CFAP161: variants seen among roughly 807,000 people sequenced by gnomAD.
CFAP161 encodes cilia- and flagella-associated protein 161.
Under a neutral mutation model 29.0 loss-of-function variants are expected in CFAP161, and 25 were observed. That is an observed-to-expected ratio of 0.86 (90% confidence interval 0.63 to 1.20). The LOEUF is 1.20. Ranked by LOEUF, CFAP161 falls within the 50% of genes most tolerant of loss-of-function variation. The pLI, the probability that CFAP161 is intolerant of heterozygous loss-of-function variation, is 0.00. For missense variants in CFAP161, 367 were observed against 371.9 expected, an observed-to-expected ratio of 0.99 and a Z score of 0.11; for synonymous variants, 116 against 137.4, an observed-to-expected ratio of 0.84 and a Z score of 1.09.
At chr15:81,140,971 C>T (rs1024293762) in intron 4 of CFAP161, among the ~76,000 whole-genome samples, 2 of 152,160 alleles carry the variant, frequency 1.3e-5, no homozygotes, top group Non-Finnish European at 2.9e-5. Flanking sequence ...ACCTTGACAG[C>T]TCATAGGGCT....
chr15:81,143,255 G>T (rs1168648845), intron 4 of CFAP161, among the ~76,000 whole-genome samples: 1 of 152,206 alleles, frequency 6.6e-6, no homozygotes, highest in African/African-American at 2.4e-5. Context: ...GGAGGCTGCA[G>T]TGAACCATGA....
Position 81,148,190 on chromosome 15 carries a change from C to T in CFAP161, c.711-148C>T, listed in dbSNP as rs535028861. The T allele has an allele frequency of 7.6e-5, 65 of 850,118 alleles. No homozygotes were observed. In the African/African-American group the frequency reaches 9.2e-4, roughly 12 times the overall value. The allele number at this position is 850,118 out of a possible 1,614,324, so 52.7% of individuals were successfully genotyped here. A position where few individuals can be genotyped will look rare whatever the true frequency, so the allele number is the denominator to read the frequency against. On this transcript the variant is annotated intron_variant, in intron 6 of 6. Transcript: ENST00000286732. The stretch of plus-strand genomic sequence containing the variant: ...TCTTTGCCCAAATAAGGTGTAACCT[C>T]CCTGCAAACATGTCCCATTTTAGAG...
At chr15:81,111,640 A>G (rs1894441527) in intron 1 of CFAP161, among the ~76,000 whole-genome samples, 1 of 152,146 alleles carries the variant, frequency 6.6e-6, no homozygotes, top group African/African-American at 2.4e-5. Context: ...CTCGATGCTG[A>G]AGGTACTTTC....
chr15:81,144,038 C>G (rs552967020), intron 5 of CFAP161, among the ~76,000 whole-genome samples: 1 of 152,048 alleles, frequency 6.6e-6, no homozygotes, highest in Non-Finnish European at 1.5e-5. Flanking sequence ...AACACACAGA[C>G]TTATAGCTCA....
intron 1 of CFAP161, among the ~76,000 whole-genome samples, chr15:81,120,805 A>G (rs1894562533): frequency 6.6e-6 from 1 of 152,260 alleles, no homozygotes; most frequent in African/African-American, 2.4e-5. Flanking sequence ...TTTTACCTCA[A>G]AAAATGAAGT....
At chr15:81,108,070 C>T (rs1894395697) in intron 1 of CFAP161, among the ~76,000 whole-genome samples, 2 of 152,132 alleles carry the variant, frequency 1.3e-5, no homozygotes, top group Admixed American at 6.5e-5. Context: ...GAGAAGCTGA[C>T]GGTTTGGGGA....
chr15:81,148,607 G>T lies in CFAP161; in HGVS notation c.*74G>T. ...AGCTTTAAAAGAAATTAACAACCTT[G>T]GTCATGCCTCAAGCTATTTTTGAAT... On this transcript the variant is annotated 3_prime_UTR_variant, in exon 7 of 7. Transcript: ENST00000286732. 7.0e-7 allele frequency: 1 copy of T among 1,421,356 alleles called. No homozygotes were observed. The highest frequency in any genetic ancestry group is 1.4e-5 in the South Asian group (1 of 71,030). The allele number at this position is 1,421,356 out of a possible 1,614,324, so 88.0% of individuals were successfully genotyped here.
chr15:81,108,220 T>A (rs1043535343), intron 1 of CFAP161, among the ~76,000 whole-genome samples: 5 of 152,244 alleles, frequency 3.3e-5, no homozygotes, highest in Non-Finnish European at 7.3e-5. Flanking sequence ...AATTGCTGAC[T>A]TTTAAATTGC....
chr15:81,146,296 A>T (rs1895004723), intron 5 of CFAP161, among the ~76,000 whole-genome samples: 1 of 152,166 alleles, frequency 6.6e-6, no homozygotes, highest in South Asian at 2.1e-4. Context: ...TTTTGAAATA[A>T]TATATATTTT....
chr15:81,107,386 G>A (rs2663944), intron 1 of CFAP161, among the ~76,000 whole-genome samples: 93,985 of 152,112 alleles, frequency 0.62, 29,645 homozygotes, highest in Non-Finnish European at 0.67. Context: ...GTGAGTGCTT[G>A]GTTCTGCCAT....
chr15:81,115,849 AT>A (rs59925511), intron 1 of CFAP161, among the ~76,000 whole-genome samples: 3,398 of 138,548 alleles, frequency 0.025, 77 homozygotes, highest in African/African-American at 0.06. Flanking sequence ...TAGCTAATTA[AT>A]TTTTTTTTTT....
intron 1 of CFAP161, among the ~76,000 whole-genome samples, chr15:81,103,448 G>A (rs976033671): frequency 3.9e-5 from 6 of 152,042 alleles, no homozygotes; most frequent in Admixed American, 3.9e-4. Context: ...GAAAGGATTG[G>A]GGACCTTATG....
At chr15:81,108,002 T>C (rs1894394546) in intron 1 of CFAP161, among the ~76,000 whole-genome samples, 1 of 152,068 alleles carries the variant, frequency 6.6e-6, no homozygotes. Context: ...GCACTTCCGT[T>C]TCCTCGTCTG....
rs193119004 is a variant in CFAP161, at chr15:81,135,411, A to G, written c.159+52A>G. The G allele has an allele frequency of 2.3e-3, 2,912 of 1,249,170 alleles. 3 individuals carry two copies. Among genetic ancestry groups the G allele is most frequent in the Non-Finnish European group, 2.9e-3 (2,598 of 886,594 alleles). The allele number at this position is 1,249,170 out of a possible 1,614,324, so 77.4% of individuals were successfully genotyped here. A position where few individuals can be genotyped will look rare whatever the true frequency, so the allele number is the denominator to read the frequency against. On this transcript the variant is annotated intron_variant, in intron 2 of 6. Coordinates refer to ENST00000286732, the MANE Select transcript of CFAP161 (RefSeq NM_173528.4). Reference sequence around the variant, plus strand: ...TTAAGTTTTAGGGTACATGTGCACAACGTGCAGGTTTGTTACATATGTATA... The same window carrying G: ...TTAAGTTTTAGGGTACATGTGCACAGCGTGCAGGTTTGTTACATATGTATA...
chr15:81,135,225 A>C, intron 1 of CFAP161, 45 bp from the exon 2 acceptor site: 2,271 of 981,096 alleles, frequency 2.3e-3, no homozygotes, highest in Non-Finnish European at 3.1e-3. Context: ...TATTAATACT[A>C]ACATCTATAT....
intron 2 of CFAP161, among the ~76,000 whole-genome samples, 177 bp from the exon 3 acceptor site, chr15:81,136,339 T>C (rs1894808273): frequency 6.6e-6 from 1 of 152,222 alleles, no homozygotes; most frequent in African/African-American, 2.4e-5. Flanking sequence ...TTTGGAATTA[T>C]TGGGAGCTTT....
chr15:81,128,120 G>T (rs1195302090), intron 2 of CFAP161, among the ~76,000 whole-genome samples: 1 of 152,168 alleles, frequency 6.6e-6, no homozygotes, highest in Non-Finnish European at 1.5e-5. Flanking sequence ...TGTGGTTTTT[G>T]TAGAATCTTT....
chr15:81,142,998 A>C (rs765173995), intron 4 of CFAP161, among the ~76,000 whole-genome samples: 21 of 152,228 alleles, frequency 1.4e-4, no homozygotes, highest in African/African-American at 3.6e-4. Flanking sequence ...GTTTAATGCA[A>C]CATCATTTAT....
At chr15:81,128,985 A>G (rs575053035) in intron 2 of CFAP161, among the ~76,000 whole-genome samples, 2 of 152,204 alleles carry the variant, frequency 1.3e-5, no homozygotes, top group African/African-American at 4.8e-5. Flanking sequence ...TTCTTAAATA[A>G]TAAGACTTGA....
Sources: gnomAD v4.1 joint callset for allele counts (sites outside exome capture counted in the v4.1 genomes callset) on GRCh38, gnomAD v4.1.1 for gene constraint, MANE v1.5 for transcripts, NCBI Gene and HGNC (gene_info 2026-07-23, HGNC 2026-07-21) for gene names.